Variants in ROBO2 observed in about 807,000 individuals in gnomAD.
ROBO2 encodes roundabout homolog 2.
ROBO2 carries 53 observed loss-of-function variants against 160.8 expected under a neutral mutation model. The ratio of observed to expected loss-of-function variants is 0.33; its 90% CI spans 0.26 to 0.41. The LOEUF (loss-of-function observed/expected upper bound fraction) is 0.41. Among genes scored for constraint, ROBO2 ranks in the 10% least tolerant of loss-of-function variants. The probability of loss-of-function intolerance (pLI) is 1.00; values close to 1 mark genes in which losing one functional copy is unlikely to be tolerated. For synonymous variants in ROBO2, 664 were observed against 611.7 expected (o/e 1.09, Z -1.26); for missense variants, 1,577 against 1,722.4 (o/e 0.92, Z 1.49).
intron 5 of ROBO2, among the ~76,000 whole-genome samples, chr3:77,522,086 C>G (rs1463854821): frequency 6.6e-6 from 1 of 151,078 alleles, no homozygotes; most frequent in Non-Finnish European, 1.5e-5. Context: ...AGAACATATT[C>G]TCATGCAAGT....
chr3:76,698,710 G>T (rs759632943), intron 2 of ROBO2, among the ~76,000 whole-genome samples: 21 of 152,190 alleles, frequency 1.4e-4, no homozygotes, highest in Admixed American at 3.3e-4. Context: ...TGGAATACTT[G>T]TGTGGAGACC....
intron 2 of ROBO2, among the ~76,000 whole-genome samples, chr3:76,535,365 G>A (rs1219651310): frequency 1.3e-5 from 2 of 152,076 alleles, no homozygotes; most frequent in Admixed American, 6.6e-5. Context: ...AACAGCTTTA[G>A]TCTTCTCAAA....
intron 2 of ROBO2, among the ~76,000 whole-genome samples, chr3:76,752,005 T>C (rs950041519): frequency 5.3e-4 from 81 of 152,046 alleles, no homozygotes; most frequent in Non-Finnish European, 1.1e-3. Flanking sequence ...ATGTTTATTG[T>C]GGCACTATTC....
chr3:77,224,021 T>A (rs541955396), intron 2 of ROBO2, among the ~76,000 whole-genome samples: 16 of 152,166 alleles, frequency 1.1e-4, no homozygotes, highest in African/African-American at 3.4e-4. Flanking sequence ...ACAAGTTTTA[T>A]TCTTCTAAAT....
chr3:76,927,199 G>C (rs1000156199), intron 2 of ROBO2, among the ~76,000 whole-genome samples: 1 of 152,018 alleles, frequency 6.6e-6, no homozygotes, highest in African/African-American at 2.4e-5. Context: ...CAAATGAATA[G>C]AACTGTAAGT....
At chr3:77,210,582 T>C (rs917021513) in intron 2 of ROBO2, among the ~76,000 whole-genome samples, 1 of 151,858 alleles carries the variant, frequency 6.6e-6, no homozygotes, top group African/African-American at 2.4e-5. Flanking sequence ...AAAAATAAAA[T>C]CTCACAAATA....
At chr3:77,619,870 T>G (rs189302005) in intron 22 of ROBO2, among the ~76,000 whole-genome samples, 1 of 152,274 alleles carries the variant, frequency 6.6e-6, no homozygotes, top group Admixed American at 6.5e-5. Context: ...TTGTTACATA[T>G]CCTAGTTTTT....
chr3:77,324,155 T>C (rs1028324960), intron 2 of ROBO2, among the ~76,000 whole-genome samples: 2 of 152,128 alleles, frequency 1.3e-5, no homozygotes, highest in Non-Finnish European at 2.9e-5. Flanking sequence ...ACAGTCTCCA[T>C]GATAAAAGTC....
chr3:76,166,676 T>TA lies in ROBO2; in HGVS notation c.109+229084dup, dbSNP rs372635743. On this transcript the variant is annotated intron_variant, in intron 2 of 26. Coordinates refer to the ROBO2 transcript ENST00000487694. ...TGGATCCTCAAGGCTAAATCACATA[T>TA]AAAAAAAAAATCCCAGCATAATATA... 5.6e-4 allele frequency among the ~76,000 whole-genome samples: 83 copies of TA among 149,018 alleles called. 1 individual carries two copies. The highest frequency in any genetic ancestry group is 8.5e-4 in the Non-Finnish European group (57 of 67,074).
chr3:76,331,032 C>T (rs954056974), intron 2 of ROBO2, among the ~76,000 whole-genome samples: 9 of 152,210 alleles, frequency 5.9e-5, no homozygotes, highest in South Asian at 4.2e-4. Context: ...TTTATAGTTG[C>T]CTTCAACAGG....
At chr3:77,154,992 C>T (rs186988265) in intron 2 of ROBO2, among the ~76,000 whole-genome samples, 131 of 151,832 alleles carry the variant, frequency 8.6e-4, no homozygotes, top group Non-Finnish European at 1.5e-3. Context: ...GTTAACAAAC[C>T]TGCACGTATA....
intron 2 of ROBO2, among the ~76,000 whole-genome samples, chr3:77,449,505 A>C (rs531862085): frequency 2.0e-5 from 3 of 152,044 alleles, no homozygotes; most frequent in Non-Finnish European, 4.4e-5. Flanking sequence ...CTTTTGGTTG[A>C]GTTTCATTCA....
intron 2 of ROBO2, among the ~76,000 whole-genome samples, chr3:77,315,402 T>C (rs963537716): frequency 5.3e-5 from 8 of 152,336 alleles, no homozygotes; most frequent in African/African-American, 1.7e-4. Context: ...AAGTCTGGGC[T>C]TTACTTAATC....
chr3:76,959,446 C>G (rs916642158), intron 2 of ROBO2, among the ~76,000 whole-genome samples: 1 of 152,010 alleles, frequency 6.6e-6, no homozygotes, highest in African/African-American at 2.4e-5. Flanking sequence ...GATCTCAGAC[C>G]CATTGTAGAG....
At chr3:77,503,292 G>A (rs183705800) in intron 5 of ROBO2, among the ~76,000 whole-genome samples, 8 of 151,538 alleles carry the variant, frequency 5.3e-5, no homozygotes, top group East Asian at 1.9e-4. Context: ...TTGGGAAGCC[G>A]AGGCGGGCAG....
chr3:76,478,450 C>G (rs544798229), intron 2 of ROBO2, among the ~76,000 whole-genome samples: 2 of 151,630 alleles, frequency 1.3e-5, no homozygotes, highest in Admixed American at 1.3e-4. Flanking sequence ...TGGGTTGGTT[C>G]CAAGTCTTTT....
At chr3:77,461,497 C>T (rs2082236659) in intron 2 of ROBO2, among the ~76,000 whole-genome samples, 3 of 152,058 alleles carry the variant, frequency 2.0e-5, no homozygotes, top group Admixed American at 2.0e-4. Context: ...GGTTGAATAA[C>T]ATTATATTTA....
At chr3:76,637,297 G>C (rs1197527339) in intron 2 of ROBO2, among the ~76,000 whole-genome samples, 3 of 152,090 alleles carry the variant, frequency 2.0e-5, no homozygotes, top group Non-Finnish European at 2.9e-5. Context: ...TCAAATTTGA[G>C]CTGACCTGGA....
At chr3:76,335,132 T>G (rs1184499577) in intron 2 of ROBO2, among the ~76,000 whole-genome samples, 1 of 151,724 alleles carries the variant, frequency 6.6e-6, no homozygotes, top group African/African-American at 2.4e-5. Context: ...CTCCAAAAGT[T>G]CTGGGATTGC....
Sources: gnomAD v4.1 joint callset for allele counts (sites outside exome capture counted in the v4.1 genomes callset) on GRCh38, gnomAD v4.1.1 for gene constraint, MANE v1.5 for transcripts, NCBI Gene and HGNC (gene_info 2026-07-23, HGNC 2026-07-21) for gene names.